The following NAA16 variants were observed in gnomAD, a reference collection of about 807,000 sequenced individuals.
NAA16 encodes N-alpha-acetyltransferase 16, NatA auxiliary subunit, also known as NARG1-like protein.
NAA16 carries 97 observed loss-of-function variants against 110.3 expected under a neutral mutation model. The ratio of observed to expected loss-of-function variants is 0.88; its 90% confidence interval spans 0.75 to 1.04. The LOEUF is 1.04. Ranked by LOEUF, NAA16 falls within the 50% of genes least tolerant of loss-of-function variation. The pLI is 0.00. For synonymous variants in NAA16, 372 were observed against 330.6 expected (o/e 1.13, Z -1.36); for missense variants, 1,017 against 1,005.1 (o/e 1.01, Z -0.16).
chr13:41,372,432 C>G (rs762880162), intron 16 of NAA16, 121 bp downstream of exon 16: 4 of 1,354,656 alleles, frequency 3.0e-6, no homozygotes, highest in Non-Finnish European at 2.8e-6. Context: ...TACAAAGGCT[C>G]TTTTCCTTGG....
intron 3 of NAA16, 126 bp from the exon 4 acceptor site, chr13:41,320,541 C>G (rs1164598626): frequency 1.6e-5 from 14 of 879,434 alleles, no homozygotes; most frequent in Non-Finnish European, 2.3e-5. Flanking sequence ...TCCCCTCCCC[C>G]AGACTCCAGA....
At chr13:41,315,831 A>AGTG (rs1458751970) in intron 1 of NAA16, among the ~76,000 whole-genome samples, 1 of 151,776 alleles carries the variant, frequency 6.6e-6, no homozygotes. Flanking sequence ...GTGCAGTGGC[A>AGTG]CAGTCATGCC....
chr13:41,312,557 G>GA (rs200213692), intron 1 of NAA16, among the ~76,000 whole-genome samples: 1 of 152,048 alleles, frequency 6.6e-6, no homozygotes, highest in Non-Finnish European at 1.5e-5. Context: ...CTTTTCACCT[G>GA]AAAAAAAGCT....
At position 41,358,879 on chromosome 13, in the gene NAA16, T is replaced by G. The variant is rs757034445; in HGVS notation, c.1327T>G (p.Phe443Val). 1.9e-6 allele frequency: 3 copies of G among 1,612,796 alleles called. No individual in the cohort carries two copies. Among genetic ancestry groups the G allele is most frequent in the Admixed American group, 1.7e-5 (1 of 60,008 alleles). ...EAQSLDTADR[F>V]INSKCAKYML... The stretch of plus-strand genomic sequence containing the variant: ...ACAGTCTTTGGACACAGCTGATAGA[T>G]TCATCAATTCCAAATGTGCAAAATA... The change falls in exon 12 of 20, where the codon TTC (phenylalanine) becomes GTC (valine). Residue 443 changes from phenylalanine to valine, a missense_variant. Phe to Val is a conservative substitution (Grantham distance 50, BLOSUM62 -1). Coordinates refer to ENST00000379406, the MANE Select transcript of NAA16 (RefSeq NM_024561.5).
At chr13:41,361,927 T>C in intron 12 of NAA16, 104 bp from the exon 13 acceptor site, 1 of 1,232,208 alleles carries the variant, frequency 8.1e-7, no homozygotes, top group Non-Finnish European at 1.1e-6. Flanking sequence ...TGCTAATTGC[T>C]GCTATTGTCA....
intron 1 of NAA16, 134 bp downstream of exon 1, chr13:41,311,716 T>C (rs2041578565): frequency 3.9e-6 from 3 of 776,934 alleles, no homozygotes; most frequent in Admixed American, 2.9e-5. Flanking sequence ...ACCTCGGAGG[T>C]CGCGGGACCC....
intron 3 of NAA16, 30 bp from the exon 4 acceptor site, chr13:41,320,637 G>C (rs755370129): frequency 1.8e-5 from 28 of 1,562,268 alleles, no homozygotes; most frequent in Non-Finnish European, 2.4e-5. Flanking sequence ...TCTAGTGTCT[G>C]TGTATGTCTT....
intron 13 of NAA16, among the ~76,000 whole-genome samples, chr13:41,364,908 G>A (rs555162570): frequency 3.6e-4 from 54 of 151,970 alleles, no homozygotes; most frequent in Non-Finnish European, 6.9e-4. Flanking sequence ...AGTCACATCC[G>A]GGAACTCTGA....
chr13:41,364,592 T>G (rs1400936254), intron 13 of NAA16, among the ~76,000 whole-genome samples: 1 of 152,144 alleles, frequency 6.6e-6, no homozygotes, highest in East Asian at 1.9e-4. Context: ...CATTTTTTTC[T>G]TTTACTATTA....
At position 41,355,198 on chromosome 13, in the gene NAA16, G is replaced by C; in HGVS notation, c.1069G>C (p.Asp357His). The C allele has an allele frequency of 6.3e-7, 1 of 1,585,650 alleles. No homozygotes were observed. ...TNYEASLKTCDFFSPYENGEK... is the reference protein window; with the variant it reads ...TNYEASLKTCHFFSPYENGEK... ...TTATGAAGCCTCTCTTAAAACGTGTGACTTTTTTAGCCCATATGGTAAGTT... is the reference window on the plus strand; with the variant it reads ...TTATGAAGCCTCTCTTAAAACGTGTCACTTTTTTAGCCCATATGGTAAGTT... Residue 357 changes from aspartate (D) to histidine (H), a missense_variant, in exon 10 of 20, where the codon GAC becomes CAC. Coordinates refer to ENST00000379406, the MANE Select transcript of NAA16 (RefSeq NM_024561.5).
At chr13:41,315,682 G>C (rs751796588) in intron 1 of NAA16, among the ~76,000 whole-genome samples, 6 of 152,156 alleles carry the variant, frequency 3.9e-5, no homozygotes, top group Non-Finnish European at 7.3e-5. Flanking sequence ...GTGTATGCGT[G>C]CACACACCCA....
In NAA16 at chr13:41,311,362, C is replaced by A; in HGVS notation, c.-167C>A. The A allele has an allele frequency of 1.6e-6, 1 of 631,186 alleles. No homozygotes were observed. The highest frequency in any genetic ancestry group is 2.8e-6 in the Non-Finnish European group (1 of 363,284). The allele number at this position is 631,186 out of a possible 1,614,324, so 39.1% of individuals were successfully genotyped here. A position where few individuals can be genotyped will look rare whatever the true frequency, so the allele number is the denominator to read the frequency against. On this transcript the variant is annotated 5_prime_UTR_variant, in exon 1 of 20. Transcript: ENST00000379406. ...GACCGCCTTCCTTCTCCATTGCCAC[C>A]CGTGCCGAACAGCCAGGCTGCCCAA...
At chr13:41,336,921 T>C (rs1409015131) in intron 9 of NAA16, among the ~76,000 whole-genome samples, 165 bp downstream of exon 9, 1 of 152,210 alleles carries the variant, frequency 6.6e-6, no homozygotes, top group Non-Finnish European at 1.5e-5. Context: ...ATAAGTAATA[T>C]CAAAGTAAAG....
At position 41,375,602 on chromosome 13, in the gene NAA16, A is replaced by G. The variant is rs765105877; in HGVS notation, c.2595A>G (p.Ter865TrpextTer9). The G allele has an allele frequency of 6.2e-7, 1 of 1,611,186 alleles. No homozygotes were observed. Among genetic ancestry groups the G allele is most frequent in the Non-Finnish European group, 8.5e-7 (1 of 1,177,972 alleles). Residue 865 changes from the stop codon to tryptophan (W), a stop_lost, in exon 20 of 20, where the codon TGA becomes TGG. Coordinates refer to ENST00000379406, the MANE Select transcript of NAA16 (RefSeq NM_024561.5). The part of the protein sequence containing the change: ...ANYDVLANEI[*>W] ...ATGATGTCTTGGCAAATGAAATTTGAAATCTTCTAGAAAGTAGACTCCTAT... is the reference window on the plus strand; with the variant it reads ...ATGATGTCTTGGCAAATGAAATTTGGAATCTTCTAGAAAGTAGACTCCTAT...
rs757416084 is a variant in NAA16, at chr13:41,325,766, G to A, written c.606G>A (p.Glu202=). Residue 202 remains glutamate (E), a synonymous_variant, in exon 6 of 20, where the codon GAG becomes GAA. Transcript: ENST00000379406. ...LILYQNQVMR[E]ADLLQESLEH... Reference sequence around the variant, plus strand: ...TATACCAGAATCAAGTGATGAGAGAGGCAGATCTGTTGCAGGAATCTTTGG... The same window carrying A: ...TATACCAGAATCAAGTGATGAGAGAAGCAGATCTGTTGCAGGAATCTTTGG... 2.1e-5 allele frequency: 34 copies of A among 1,604,892 alleles called. No individual in the cohort carries two copies. Among genetic ancestry groups the A allele is most frequent in the Non-Finnish European group, 2.6e-5 (31 of 1,172,716 alleles).
chr13:41,373,926 T>G, intron 18 of NAA16, 146 bp downstream of exon 18: 1 of 1,276,810 alleles, frequency 7.8e-7, no homozygotes, highest in Non-Finnish European at 1.0e-6. Context: ...TTATGTTCAA[T>G]AATAGGGGAA....
intron 13 of NAA16, among the ~76,000 whole-genome samples, chr13:41,365,313 C>T (rs1392541417): frequency 1.3e-5 from 2 of 152,098 alleles, no homozygotes; most frequent in East Asian, 1.9e-4. Context: ...ACTATATACA[C>T]ATTGTACCAA....
chr13:41,358,912 C>T lies in NAA16; in HGVS notation c.1360C>T (p.Arg454Ter), dbSNP rs749581692. ...TTCCAAATGTGCAAAATACATGCTT[C>T]GAGCAAATATGATAAAAGAAGCAGA... ...INSKCAKYML[R>*]ANMIKEAEEM... Residue 454 changes from arginine to a stop codon, truncating the protein, a stop_gained, in exon 12 of 20, where the codon CGA (arginine) becomes TGA (stop). Transcript: ENST00000379406. LOFTEE classifies it high-confidence loss of function. 2.0e-5 allele frequency: 33 copies of T among 1,610,764 alleles called. No individual in the cohort carries two copies. The highest frequency in any genetic ancestry group is 2.7e-5 in the African/African-American group (2 of 74,832).
chr13:41,316,787 G>A (rs2483102), intron 1 of NAA16, 59 bp from the exon 2 acceptor site: 68,416 of 1,093,494 alleles, frequency 0.063, 2,657 homozygotes, highest in Non-Finnish European at 0.074. Context: ...GATGCTGTGA[G>A]AAGTTGCTCC....
Sources: allele counts gnomAD v4.1 joint callset (sites outside exome capture counted in the v4.1 genomes callset), GRCh38; gene constraint gnomAD v4.1.1; transcripts MANE v1.5; gene names NCBI Gene and HGNC (gene_info 2026-07-23, HGNC 2026-07-21).